C1orf74: variants seen among roughly 807,000 people sequenced by gnomAD.
C1orf74 encodes the protein chromosome 1 open reading frame 74, also known as UPF0739 protein C1orf74.
In C1orf74, 5 loss-of-function variants were observed where a neutral mutation model predicts 7.3. The observed-to-expected ratio is 0.68, with a 90% CI of 0.36 to 1.44. The LOEUF is 1.44. C1orf74 is among the 40% of genes most tolerant of loss of function. C1orf74 has a pLI of 0.04. For synonymous variants in C1orf74, 121 were observed against 132.5 expected, an observed-to-expected ratio of 0.91 and a Z score of 0.59; for missense variants, 291 against 314.3, an observed-to-expected ratio of 0.93 and a Z score of 0.56.
Position 209,780,796 on chromosome 1 carries a change from T to A in C1orf74, c.*2029A>T, listed in dbSNP as rs2077761146. On this transcript the variant is annotated 3_prime_UTR_variant, in exon 2 of 2. Coordinates refer to ENST00000294811, the MANE Select transcript of C1orf74 (RefSeq NM_152485.4). ...TTTTCCCTTCCTTATTTATACCAAC[T>A]CCTATTCAAGGTTTTATTAAATGAT... The A allele has an allele frequency of 2.5e-6, 1 of 403,636 alleles. No individual in the cohort carries two copies. Among genetic ancestry groups the A allele is most frequent in the African/African-American group, 2.1e-5 (1 of 48,326 alleles). The allele number at this position is 403,636 out of a possible 1,614,324, so 25.0% of individuals were successfully genotyped here.
chr1:209,781,863 T>G lies in C1orf74; in HGVS notation c.*962A>C, dbSNP rs1268459896. 1.7e-6 allele frequency: 1 copy of G among 581,798 alleles called. No individual in the cohort carries two copies. The highest frequency in any genetic ancestry group is 1.9e-5 in the African/African-American group (1 of 53,460). The allele number at this position is 581,798 out of a possible 1,614,324, so 36.0% of individuals were successfully genotyped here. A position where few individuals can be genotyped will look rare whatever the true frequency, so the allele number is the denominator to read the frequency against. The stretch of plus-strand genomic sequence containing the variant: ...CTGGTCCCTGATGGATACGGCTCCC[T>G]GGGCCAGAGAACATTGGTTAAGTGG... On this transcript the variant is annotated 3_prime_UTR_variant, in exon 2 of 2. Transcript: ENST00000294811.
Position 209,780,754 on chromosome 1 carries a change from G to C in C1orf74, c.*2071C>G. On this transcript the variant is annotated 3_prime_UTR_variant, in exon 2 of 2. Transcript: ENST00000294811. ...GCCTACATAAAGTGTCTGTGCTTTT[G>C]GGCTGACTTGTCAATCTTTTCCCTT... is the stretch of plus-strand genomic sequence containing the variant. 1.5e-6 allele frequency: 1 copy of C among 654,414 alleles called. No individual in the cohort carries two copies. The highest frequency in any genetic ancestry group is 2.2e-6 in the Non-Finnish European group (1 of 455,360). 40.5% of individuals were successfully genotyped at this position (654,414 alleles called of 1,614,324 possible).
In C1orf74 at chr1:209,780,288, T is replaced by C. The variant is rs7555528; in HGVS notation, c.*2537A>G. 7.5e-3 allele frequency: 3,422 copies of C among 457,902 alleles called. 118 individuals carry two copies. The highest frequency in any genetic ancestry group is 0.061 in the African/African-American group (3,090 of 50,318). 28.4% of individuals were successfully genotyped at this position (457,902 alleles called of 1,614,324 possible). On this transcript the variant is annotated 3_prime_UTR_variant, in exon 2 of 2. Transcript: ENST00000294811. ...TCAAGGAGCTCAGATTCCAGCTGTCTGTCCAAGCTTAGCAGGGGCCTACTG... is the reference window on the plus strand; with the variant it reads ...TCAAGGAGCTCAGATTCCAGCTGTCCGTCCAAGCTTAGCAGGGGCCTACTG...
rs1193161469 is a variant in C1orf74 at position 209,780,132 on chromosome 1, T to A, written c.*2693A>T. ...GGGAAAAGGGATTGTATTAAAGCATTTACCAAACTTATTTGACAAACTAGG... is the reference window on the plus strand; with the variant it reads ...GGGAAAAGGGATTGTATTAAAGCATATACCAAACTTATTTGACAAACTAGG... On this transcript the variant is annotated 3_prime_UTR_variant, in exon 2 of 2. Coordinates refer to ENST00000294811, the MANE Select transcript of C1orf74 (RefSeq NM_152485.4). 5.9e-6 allele frequency: 1 copy of A among 168,384 alleles called. No homozygotes were observed. The highest frequency in any genetic ancestry group is 1.3e-5 in the Non-Finnish European group (1 of 79,312). 10.4% of individuals were successfully genotyped at this position (168,384 alleles called of 1,614,324 possible).
At chr1:209,783,730 G>T in intron 1 of C1orf74, 21 bp from the exon 2 acceptor site, 1 of 1,030,576 alleles carries the variant, frequency 9.7e-7, no homozygotes, top group Non-Finnish European at 1.4e-6. Context: ...AGCAGGAGCA[G>T]GGAATTATTA....
chr1:209,782,755 G>C lies in C1orf74; in HGVS notation c.*70C>G, dbSNP rs755050983. The stretch of plus-strand genomic sequence containing the variant: ...GACACTTGGAATTGGCAGTTGAGAT[G>C]ATTATTTGCCATCCCCAACCTAGAG... On this transcript the variant is annotated 3_prime_UTR_variant, in exon 2 of 2. Transcript: ENST00000294811. 10 of 1,461,612 alleles carry C rather than the reference G, an allele frequency of 6.8e-6. No individual in the cohort carries two copies. Among genetic ancestry groups the C allele is most frequent in the Admixed American group, 5.5e-5 (3 of 54,358 alleles). The allele number at this position is 1,461,612 out of a possible 1,614,324, so 90.5% of individuals were successfully genotyped here. A position where few individuals can be genotyped will look rare whatever the true frequency, so the allele number is the denominator to read the frequency against.
chr1:209,781,440 C>G lies in C1orf74; in HGVS notation c.*1385G>C. On this transcript the variant is annotated 3_prime_UTR_variant, in exon 2 of 2. Transcript: ENST00000294811. ...ACTGTCGAGAAGAGCTGAACCAGAG[C>G]CAGCAGCTGCCTCCCAGAGTAAGAG... The G allele has an allele frequency of 6.2e-7, 1 of 1,612,890 alleles. No individual in the cohort carries two copies. Among genetic ancestry groups the G allele is most frequent in the Non-Finnish European group, 8.5e-7 (1 of 1,179,124 alleles).
Position 209,782,239 on chromosome 1 carries a change from T to G in C1orf74, c.*586A>C, listed in dbSNP as rs1295787065. The G allele has an allele frequency of 2.1e-6, 2 of 967,166 alleles. No homozygotes were observed. Among genetic ancestry groups the G allele is most frequent in the African/African-American group, 3.2e-5 (2 of 62,358 alleles). 59.9% of individuals were successfully genotyped at this position (967,166 alleles called of 1,614,324 possible). A position where few individuals can be genotyped will look rare whatever the true frequency, so the allele number is the denominator to read the frequency against. ...TTTGGGTACATTACAGCTTGGGTTT[T>G]CCAACTGACTTAGGATTTCTGACTT... On this transcript the variant is annotated 3_prime_UTR_variant, in exon 2 of 2. Transcript: ENST00000294811.
Position 209,779,416 on chromosome 1 carries a change from C to G in C1orf74, c.*3409G>C. The G allele has an allele frequency of 1.3e-6, 2 of 1,560,794 alleles. No individual in the cohort carries two copies. Among genetic ancestry groups the G allele is most frequent in the Non-Finnish European group, 1.8e-6 (2 of 1,131,534 alleles). ...CCACAAATTCTAAGATATTGCTCTTCTCTTACCTGCCTAGAGGCAGCGGGA... is the reference window on the plus strand; with the variant it reads ...CCACAAATTCTAAGATATTGCTCTTGTCTTACCTGCCTAGAGGCAGCGGGA... On this transcript the variant is annotated 3_prime_UTR_variant, in exon 2 of 2. Transcript: ENST00000294811.
rs763845410 is a variant in C1orf74, at chr1:209,783,505, G to A, written c.130C>T (p.Leu44=). The A allele has an allele frequency of 6.2e-7, 1 of 1,614,202 alleles. No individual in the cohort carries two copies. The highest frequency in any genetic ancestry group is 8.5e-7 in the Non-Finnish European group (1 of 1,180,030). The change falls in exon 2 of 2, where the codon CTG becomes TTG. Residue 44 remains leucine (L), a synonymous_variant. Transcript: ENST00000294811. ...AICLHLAGEV[L]AVARGLKPAV... ...GGCTTCAGTCCCCGGGCCACAGCCAGCACCTCTCCAGCTAAGTGAAGGCAG... is the reference window on the plus strand; with the variant it reads ...GGCTTCAGTCCCCGGGCCACAGCCAACACCTCTCCAGCTAAGTGAAGGCAG...
In C1orf74 at chr1:209,784,374, A is replaced by C. The variant is rs1377240054; in HGVS notation, c.-76+4T>G. 1 of 152,262 alleles carries C rather than the reference A, an allele frequency of 6.6e-6. No homozygotes were observed. The highest frequency in any genetic ancestry group is 1.5e-5 in the Non-Finnish European group (1 of 68,050). The allele number at this position is 152,262 out of a possible 1,614,324, so 9.4% of individuals were successfully genotyped here. On this transcript the variant is annotated splice_donor_region_variant and intron_variant, in intron 1 of 1. Coordinates refer to ENST00000294811, the MANE Select transcript of C1orf74 (RefSeq NM_152485.4). The stretch of plus-strand genomic sequence containing the variant: ...TAAATGAGGCATAAGTCTGTCTCAC[A>C]TACGTTCTTTTTCCACGTCCGCTAC...
In C1orf74 at chr1:209,781,458, A is replaced by T; in HGVS notation, c.*1367T>A. 4 of 1,608,486 alleles carry T rather than the reference A, an allele frequency of 2.5e-6. No homozygotes were observed. The South Asian group carries it at 4.4e-5, about 18-fold the overall frequency. ...ACCAGAGCCAGCAGCTGCCTCCCAG[A>T]GTAAGAGGGTCTCTCCTTCCCATAA... is the stretch of plus-strand genomic sequence containing the variant. On this transcript the variant is annotated 3_prime_UTR_variant, in exon 2 of 2. Coordinates refer to ENST00000294811, the MANE Select transcript of C1orf74 (RefSeq NM_152485.4).
At position 209,781,429 on chromosome 1, in the gene C1orf74, C is replaced by G; in HGVS notation, c.*1396G>C. 1 of 1,613,246 alleles carries G rather than the reference C, an allele frequency of 6.2e-7. No individual in the cohort carries two copies. The highest frequency in any genetic ancestry group is 1.3e-5 in the African/African-American group (1 of 75,022). On this transcript the variant is annotated 3_prime_UTR_variant, in exon 2 of 2. Coordinates refer to ENST00000294811, the MANE Select transcript of C1orf74 (RefSeq NM_152485.4). ...TAAGCTGCAGCACTGTCGAGAAGAGCTGAACCAGAGCCAGCAGCTGCCTCC... is the reference window on the plus strand; with the variant it reads ...TAAGCTGCAGCACTGTCGAGAAGAGGTGAACCAGAGCCAGCAGCTGCCTCC...
In C1orf74 at chr1:209,781,513, T is replaced by A; in HGVS notation, c.*1312A>T. The A allele has an allele frequency of 7.4e-7, 1 of 1,351,856 alleles. No homozygotes were observed. The highest frequency in any genetic ancestry group is 1.1e-6 in the Non-Finnish European group (1 of 946,064). 83.7% of individuals were successfully genotyped at this position (1,351,856 alleles called of 1,614,324 possible). A position where few individuals can be genotyped will look rare whatever the true frequency, so the allele number is the denominator to read the frequency against. On this transcript the variant is annotated 3_prime_UTR_variant, in exon 2 of 2. Transcript: ENST00000294811. ...CTGGATGATGGGACGATTCCTTCTT[T>A]AACCAAGTTTTGCACATAAAATATA...
Position 209,779,771 on chromosome 1 carries a change from A to G in C1orf74, c.*3054T>C, listed in dbSNP as rs1487451682. 2 of 493,406 alleles carry G rather than the reference A, an allele frequency of 4.1e-6. No individual in the cohort carries two copies. The highest frequency in any genetic ancestry group is 3.6e-6 in the Non-Finnish European group (1 of 276,274). The allele number at this position is 493,406 out of a possible 1,614,324, so 30.6% of individuals were successfully genotyped here. ...GTTAGCCCTAGAGAGTCTACTGTCC[A>G]TGTTTCCTGAGAATTCACTGTGTAT... On this transcript the variant is annotated 3_prime_UTR_variant, in exon 2 of 2. Coordinates refer to ENST00000294811, the MANE Select transcript of C1orf74 (RefSeq NM_152485.4).
rs2077804399 is a variant in C1orf74 at position 209,782,776 on chromosome 1, T to C, written c.*49A>G. ...AGATGATTATTTGCCATCCCCAACC[T>C]AGAGATGATCATTTACTGAGTACCT... On this transcript the variant is annotated 3_prime_UTR_variant, in exon 2 of 2. Transcript: ENST00000294811. The C allele has an allele frequency of 6.4e-7, 1 of 1,563,868 alleles. No individual in the cohort carries two copies. The highest frequency in any genetic ancestry group is 8.7e-7 in the Non-Finnish European group (1 of 1,145,646).
At position 209,781,423 on chromosome 1, in the gene C1orf74, G is replaced by A. The variant is rs2077777576; in HGVS notation, c.*1402C>T. The A allele has an allele frequency of 6.2e-7, 1 of 1,613,450 alleles. No homozygotes were observed. Among genetic ancestry groups the A allele is most frequent in the East Asian group, 2.2e-5 (1 of 44,852 alleles). ...CCTGCGTAAGCTGCAGCACTGTCGA[G>A]AAGAGCTGAACCAGAGCCAGCAGCT... On this transcript the variant is annotated 3_prime_UTR_variant, in exon 2 of 2. Transcript: ENST00000294811.
In C1orf74 at chr1:209,784,546, AC is replaced by A. The variant is rs1354284500; in HGVS notation, c.-245del. 6.6e-6 allele frequency: 1 copy of A among 152,294 alleles called. No homozygotes were observed. Among genetic ancestry groups the A allele is most frequent in the African/African-American group, 2.4e-5 (1 of 41,472 alleles). The allele number at this position is 152,294 out of a possible 1,614,324, so 9.4% of individuals were successfully genotyped here. A position where few individuals can be genotyped will look rare whatever the true frequency, so the allele number is the denominator to read the frequency against. On this transcript the variant is annotated 5_prime_UTR_variant, in exon 1 of 2. The change abolishes the stop of an existing upstream ORF in the 5' untranslated region. Transcript: ENST00000294811. ...CCCGCTCTGCTCCAGTCCCGCAGGC[AC>A]CTTCTTGCGCATGCGCACCCACTCG...
At position 209,782,820 on chromosome 1, in the gene C1orf74, T is replaced by G; in HGVS notation, c.*5A>C. 1 of 1,612,860 alleles carries G rather than the reference T, an allele frequency of 6.2e-7. No homozygotes were observed. The highest frequency in any genetic ancestry group is 1.1e-5 in the South Asian group (1 of 91,000). ...AGTACCTTCTATATGGGAGGAGAGT[T>G]AAAGTCAGAGGGCCACAGCCGGCAG... On this transcript the variant is annotated 3_prime_UTR_variant, in exon 2 of 2. Coordinates refer to ENST00000294811, the MANE Select transcript of C1orf74 (RefSeq NM_152485.4).
Sources: allele counts gnomAD v4.1 joint callset, GRCh38; gene constraint gnomAD v4.1.1; transcripts MANE v1.5; gene names NCBI Gene and HGNC (gene_info 2026-07-23, HGNC 2026-07-21).